The following RAB27B variants were observed in gnomAD, a reference collection of about 807,000 sequenced individuals.
RAB27B encodes RAB27B, member RAS oncogene family, also known as ras-related protein Rab-27B.
Under a neutral mutation model 24.6 loss-of-function variants are expected in RAB27B, and 15 were observed. The ratio of observed to expected loss-of-function variants is 0.61; its 90% confidence interval spans 0.41 to 0.94. The LOEUF is 0.94. Among genes scored for constraint, RAB27B ranks in the 40% least tolerant of loss-of-function variants. RAB27B has a pLI of 0.00. For synonymous variants in RAB27B, 105 were observed against 92.5 expected, an observed-to-expected ratio of 1.14 and a Z score of -0.78; for missense variants, 261 against 266.8, an observed-to-expected ratio of 0.98 and a Z score of 0.15.
intron 2 of RAB27B, among the ~76,000 whole-genome samples, chr18:54,727,437 T>TATGA (rs1170804019): frequency 6.6e-6 from 1 of 152,218 alleles, no homozygotes; most frequent in African/African-American, 2.4e-5. Flanking sequence ...ACTTCCTAAA[T>TATGA]ATGATTTGGG....
chr18:54,866,928 G>A (rs1043737717), intron 1 of RAB27B, among the ~76,000 whole-genome samples: 4 of 152,132 alleles, frequency 2.6e-5, no homozygotes, highest in Admixed American at 2.0e-4. Context: ...GGGAGGGTGC[G>A]ATGAGTCAGT....
chr18:54,808,314 A>G (rs555821621), intron 2 of RAB27B, among the ~76,000 whole-genome samples: 2 of 152,250 alleles, frequency 1.3e-5, no homozygotes, highest in South Asian at 4.1e-4. Context: ...GTCTCATGGC[A>G]TCTCCAATTC....
chr18:54,754,972 G>A (rs1045101646), intron 2 of RAB27B, among the ~76,000 whole-genome samples: 1 of 152,116 alleles, frequency 6.6e-6, no homozygotes, highest in Non-Finnish European at 1.5e-5. Context: ...TGACATTATT[G>A]CTATTAGGAT....
chr18:54,820,158 T>C (rs1355061270), intron 2 of RAB27B, among the ~76,000 whole-genome samples: 1 of 152,170 alleles, frequency 6.6e-6, no homozygotes, highest in East Asian at 1.9e-4. Flanking sequence ...CTGGGTCAAA[T>C]GGTATTTCTA....
In RAB27B at chr18:54,726,223, C is replaced by T. The variant is rs144237607; in HGVS notation, c.-20+8082C>T. Among the ~76,000 whole-genome samples the T allele has an allele frequency of 5.1e-3, 767 of 151,576 alleles. 14 individuals carry two copies. The highest frequency in any genetic ancestry group is 0.017 in the African/African-American group (720 of 41,406). On this transcript the variant is annotated intron_variant, in intron 2 of 4. Coordinates refer to the RAB27B transcript ENST00000586570. Reference sequence around the variant, plus strand: ...GCCTATCGTATTTTAAATAAAAACTCAAGTATCATAAATCTGAGGGTTGCA... The same window carrying T: ...GCCTATCGTATTTTAAATAAAAACTTAAGTATCATAAATCTGAGGGTTGCA...
At chr18:54,793,398 G>A (rs1909314876) in intron 2 of RAB27B, among the ~76,000 whole-genome samples, 1 of 152,130 alleles carries the variant, frequency 6.6e-6, no homozygotes, top group Non-Finnish European at 1.5e-5. Context: ...CCTCTTTCAT[G>A]TGATATGCCA....
At chr18:54,768,237 C>T (rs543157017) in intron 2 of RAB27B, among the ~76,000 whole-genome samples, 6 of 152,034 alleles carry the variant, frequency 3.9e-5, no homozygotes, top group East Asian at 3.9e-4. Flanking sequence ...AGGTGTGTTA[C>T]GGGAACACAA....
At chr18:54,863,241 G>A (rs930251057) in intron 1 of RAB27B, among the ~76,000 whole-genome samples, 10 of 151,980 alleles carry the variant, frequency 6.6e-5, no homozygotes, top group Non-Finnish European at 1.3e-4. Context: ...AACTATATCA[G>A]GCCCTATTGT....
chr18:54,736,007 C>A (rs535990855), intron 2 of RAB27B, among the ~76,000 whole-genome samples: 4 of 152,116 alleles, frequency 2.6e-5, no homozygotes, highest in South Asian at 4.1e-4. Context: ...GCAACACACA[C>A]TTTAAAAAAT....
At chr18:54,791,271 T>G (rs566097241) in intron 2 of RAB27B, among the ~76,000 whole-genome samples, 20 of 152,266 alleles carry the variant, frequency 1.3e-4, no homozygotes, top group African/African-American at 4.8e-4. Flanking sequence ...CAACTCTGTA[T>G]GGATCAAGTG....
chr18:54,765,356 C>A (rs1246815319), intron 2 of RAB27B, among the ~76,000 whole-genome samples: 1 of 152,214 alleles, frequency 6.6e-6, no homozygotes, highest in Middle Eastern at 3.4e-3. Context: ...GTCCCAGACA[C>A]CCTAAGTTCT....
chr18:54,758,797 G>T (rs1172876748), intron 2 of RAB27B, among the ~76,000 whole-genome samples: 2 of 152,088 alleles, frequency 1.3e-5, no homozygotes, highest in African/African-American at 2.4e-5. Context: ...ATGCTGAAGT[G>T]GGAGCAAATG....
intron 1 of RAB27B, among the ~76,000 whole-genome samples, chr18:54,834,679 A>ATG (rs887384867): frequency 1.0e-4 from 10 of 95,590 alleles, no homozygotes; most frequent in Middle Eastern, 5.3e-3. Context: ...AAGTGTATAT[A>ATG]TATGTGTGTG....
chr18:54,839,140 G>C (rs181112980), intron 1 of RAB27B, among the ~76,000 whole-genome samples: 1 of 152,176 alleles, frequency 6.6e-6, no homozygotes, highest in Admixed American at 6.5e-5. Flanking sequence ...AATATGCATT[G>C]ATGTTAAACC....
intron 2 of RAB27B, among the ~76,000 whole-genome samples, chr18:54,798,829 T>C (rs1177591336): frequency 2.0e-5 from 3 of 152,218 alleles, no homozygotes; most frequent in African/African-American, 7.2e-5. Flanking sequence ...ACTAATGTAG[T>C]GTATAGCCAC....
intron 5 of RAB27B, among the ~76,000 whole-genome samples, chr18:54,888,931 T>A (rs533360918): frequency 7.9e-5 from 12 of 152,120 alleles, no homozygotes; most frequent in Non-Finnish European, 1.5e-4. Context: ...AGAGGGTATT[T>A]TTCCCCTCCT....
chr18:54,840,945 G>A (rs1219730624), intron 1 of RAB27B, among the ~76,000 whole-genome samples: 7 of 151,906 alleles, frequency 4.6e-5, no homozygotes, highest in Non-Finnish European at 7.4e-5. Context: ...TCAGGAGTTC[G>A]AGACCAGCCT....
intron 1 of RAB27B, among the ~76,000 whole-genome samples, chr18:54,872,299 G>A (rs1321028496): frequency 6.6e-6 from 1 of 152,112 alleles, no homozygotes; most frequent in African/African-American, 2.4e-5. Context: ...ATTTTGAGAA[G>A]GTTTTGTACT....
chr18:54,796,606 A>G (rs1909428488), intron 2 of RAB27B, among the ~76,000 whole-genome samples: 1 of 151,928 alleles, frequency 6.6e-6, no homozygotes, highest in African/African-American at 2.4e-5. Context: ...TTCTGCCATC[A>G]CTGGTTTGCC....
Sources: gnomAD v4.1 joint callset for allele counts (sites outside exome capture counted in the v4.1 genomes callset) on GRCh38, gnomAD v4.1.1 for gene constraint, MANE v1.5 for transcripts, NCBI Gene and HGNC (gene_info 2026-07-23, HGNC 2026-07-21) for gene names.